The following IGSF10 variants were observed in gnomAD, a reference collection of about 807,000 sequenced individuals.
IGSF10 encodes immunoglobulin superfamily member 10.
Under a neutral mutation model 128.2 loss-of-function variants are expected in IGSF10, and 126 were observed. The ratio of observed to expected loss-of-function variants is 0.98; its 90% CI spans 0.85 to 1.14. The LOEUF is 1.14. Among genes scored for constraint, IGSF10 ranks in the 50% most tolerant of loss-of-function variants. The pLI, the probability that IGSF10 is intolerant of heterozygous loss-of-function variation, is 0.00. For missense variants in IGSF10, 3,295 were observed against 3,149.8 expected (o/e 1.05, Z -1.10); for synonymous variants, 1,185 against 1,146.2 (o/e 1.03, Z -0.68).
chr3:151,459,801 T>G (rs770726176), intron 2 of IGSF10, among the ~76,000 whole-genome samples: 11 of 152,236 alleles, frequency 7.2e-5, no homozygotes, highest in Non-Finnish European at 1.3e-4. Flanking sequence ...CTTCATAATT[T>G]GTAATAAATC....
chr3:151,583,269 A>C, the IGSF10 span, among the ~76,000 whole-genome samples: 1 of 151,742 alleles, frequency 6.6e-6, no homozygotes, highest in African/African-American at 2.4e-5. Flanking sequence ...TTACTTCTAG[A>C]GATGAATACC....
At chr3:151,564,128 C>T in the IGSF10 span, among the ~76,000 whole-genome samples, 2 of 152,258 alleles carry the variant, frequency 1.3e-5, no homozygotes, top group East Asian at 1.9e-4. Flanking sequence ...TACCACAAAC[C>T]TTGCATTGGC....
rs767429459 is a variant in IGSF10, at chr3:151,448,957, G to A, written c.1024C>T (p.Pro342Ser). 5.0e-6 allele frequency: 8 copies of A among 1,614,176 alleles called. No individual in the cohort carries two copies. In the Admixed American group the frequency reaches 1.2e-4, roughly 24 times the overall value. The part of the protein sequence containing the change: ...CSIQKPSRTS[P>S]IAFTEENDYI... ...TCATTTTCTTCAGTGAATGCAATGG[G>A]TGATGTCCTTGAGGGCTTTTGAATA... The change falls in exon 6 of 8, where the codon CCC (proline) becomes TCC (serine). Residue 342 changes from proline to serine, a missense_variant. Transcript: ENST00000282466.
chr3:151,479,857 C>T, the IGSF10 span, among the ~76,000 whole-genome samples: 139 of 152,174 alleles, frequency 9.1e-4, no homozygotes, highest in African/African-American at 3.3e-3. Context: ...ACATCAGTGA[C>T]ATTTCTAGTC....
intron 3 of IGSF10, among the ~76,000 whole-genome samples, chr3:151,457,787 T>G (rs1721867629): frequency 6.6e-6 from 1 of 152,228 alleles, no homozygotes; most frequent in Admixed American, 6.5e-5. Flanking sequence ...ATGTTAGCTC[T>G]TAATATTAGT....
chr3:151,537,795 C>T, the IGSF10 span, among the ~76,000 whole-genome samples: 1,308 of 152,258 alleles, frequency 8.6e-3, 25 homozygotes, highest in African/African-American at 0.03. Flanking sequence ...ACCTTCTTTC[C>T]CTTCTAAAAA....
chr3:151,524,380 A>G, the IGSF10 span, among the ~76,000 whole-genome samples: 3 of 152,174 alleles, frequency 2.0e-5, no homozygotes, highest in African/African-American at 7.2e-5. Context: ...AATCAACCTA[A>G]ATGTCCATCA....
chr3:151,436,437 ATGTT>A lies in IGSF10; in HGVS notation c.*248_*251del, dbSNP rs757471862. 14 of 355,148 alleles carry A rather than the reference ATGTT, an allele frequency of 3.9e-5. No homozygotes were observed. Among genetic ancestry groups the A allele is most frequent in the Middle Eastern group, 8.8e-4 (1 of 1,140 alleles). The allele number at this position is 355,148 out of a possible 1,614,324, so 22.0% of individuals were successfully genotyped here. ...TGTTATTTTATAGTGAACCGTTTCA[ATGTT>A]TGTTTATTGTTATTTGTTGGCAAAA... On this transcript the variant is annotated 3_prime_UTR_variant, in exon 8 of 8. Transcript: ENST00000282466.
At chr3:151,544,611 A>G in the IGSF10 span, among the ~76,000 whole-genome samples, 2 of 152,054 alleles carry the variant, frequency 1.3e-5, no homozygotes, top group South Asian at 2.1e-4. Flanking sequence ...TTTGCTGCTG[A>G]AAGTCTAATG....
the IGSF10 span, among the ~76,000 whole-genome samples, chr3:151,555,234 CAAG>C: frequency 1.3e-5 from 2 of 151,958 alleles, no homozygotes; most frequent in Admixed American, 6.6e-5. Context: ...TGGATTTGAG[CAAG>C]AAGATTTCTA....
the IGSF10 span, among the ~76,000 whole-genome samples, chr3:151,585,298 CTCTT>C: frequency 2.0e-5 from 3 of 151,970 alleles, no homozygotes; most frequent in Non-Finnish European, 2.9e-5. Context: ...TTTCATTTTA[CTCTT>C]TCTAATGTCA....
the IGSF10 span, among the ~76,000 whole-genome samples, chr3:151,486,702 A>T: frequency 2.6e-5 from 4 of 152,142 alleles, no homozygotes; most frequent in Non-Finnish European, 5.9e-5. Flanking sequence ...CAACCTCCTG[A>T]ATGACTACTC....
At chr3:151,578,478 T>C in the IGSF10 span, among the ~76,000 whole-genome samples, 2 of 152,200 alleles carry the variant, frequency 1.3e-5, no homozygotes, top group Admixed American at 6.5e-5. Flanking sequence ...ACTTCTAACA[T>C]AGAATACCTA....
At chr3:151,433,263 G>C (rs1450208054), downstream of IGSF10, 4 of 153,656 alleles carry the variant, frequency 2.6e-5, no homozygotes, top group African/African-American at 9.7e-5. Flanking sequence ...CAGAAACATG[G>C]CCTGTTTATT....
chr3:151,501,421 TTG>T, the IGSF10 span, among the ~76,000 whole-genome samples: 4 of 148,932 alleles, frequency 2.7e-5, no homozygotes, highest in Non-Finnish European at 5.9e-5. Context: ...GGACAATATA[TTG>T]AAAATAATGT....
chr3:151,448,100 A>T lies in IGSF10; in HGVS notation c.1881T>A (p.Asn627Lys). ...QSSRDKKVLN[N>K]GTLRILQVTP... ...TGACCTGTAATATTCTTAATGTGCC[A>T]TTGTTTAGAACTTTCTTGTCTCTTG... The change falls in exon 6 of 8, where the codon AAT becomes AAA. Residue 627 changes from asparagine (N) to lysine (K), a missense_variant. Physicochemically the swap from Asn to Lys is moderately conservative, Grantham distance 94 (BLOSUM62 0). Coordinates refer to ENST00000282466, the MANE Select transcript of IGSF10 (RefSeq NM_178822.5). 6.2e-7 allele frequency: 1 copy of T among 1,614,116 alleles called. No individual in the cohort carries two copies. The highest frequency in any genetic ancestry group is 8.5e-7 in the Non-Finnish European group (1 of 1,180,020).
upstream of IGSF10, chr3:151,461,119 G>A (rs567075142): frequency 1.6e-5 from 16 of 985,378 alleles, no homozygotes; most frequent in East Asian, 1.8e-3. Flanking sequence ...ACGCGGCCGG[G>A]GCTCAGCAGC....
At chr3:151,569,158 A>C in the IGSF10 span, among the ~76,000 whole-genome samples, 2 of 152,280 alleles carry the variant, frequency 1.3e-5, no homozygotes, top group South Asian at 4.1e-4. Context: ...TGCAACCTCC[A>C]TCCACTGGAT....
At chr3:151,512,536 C>G in the IGSF10 span, among the ~76,000 whole-genome samples, 1 of 152,068 alleles carries the variant, frequency 6.6e-6, no homozygotes, top group Non-Finnish European at 1.5e-5. Context: ...GACACCCTAA[C>G]ATCACAATTA....
Sources: allele counts gnomAD v4.1 joint callset (sites outside exome capture counted in the v4.1 genomes callset), GRCh38; gene constraint gnomAD v4.1.1; transcripts MANE v1.5; gene names NCBI Gene and HGNC (gene_info 2026-07-23, HGNC 2026-07-21).